The following SAPCD2 variants were observed in gnomAD, a reference collection of about 807,000 sequenced individuals.
SAPCD2 encodes the protein suppressor APC domain containing 2, also known as suppressor APC domain-containing protein 2.
SAPCD2 carries 34 observed loss-of-function variants against 37.8 expected under a neutral mutation model. That is an observed-to-expected ratio of 0.90 (90% CI 0.68 to 1.20). SAPCD2 has a LOEUF of 1.20. Among genes scored for constraint, SAPCD2 ranks in the 50% most tolerant of loss-of-function variants. The pLI, the probability that SAPCD2 is intolerant of heterozygous loss-of-function variation, is 0.00. For missense variants in SAPCD2, 572 were observed against 584.7 expected (o/e 0.98, Z 0.22); for synonymous variants, 275 against 270.3 (o/e 1.02, Z -0.17).
intron 1 of SAPCD2, among the ~76,000 whole-genome samples, chr9:137,066,806 T>C (rs974005047): frequency 6.6e-6 from 1 of 152,098 alleles, no homozygotes; most frequent in Admixed American, 6.5e-5. Context: ...CAGCAGGAGA[T>C]GTGGGTGTGA....
chr9:137,064,818 C>T (rs1175451151), intron 5 of SAPCD2, 31 bp from the exon 6 acceptor site: 14 of 1,584,142 alleles, frequency 8.8e-6, no homozygotes, highest in Admixed American at 1.8e-5. Flanking sequence ...TCAAGGCCTG[C>T]GGGGCCTCAC....
chr9:137,064,857 C>T lies in SAPCD2; in HGVS notation c.1056+6G>A, dbSNP rs1429775987. 1.3e-6 allele frequency: 2 copies of T among 1,567,454 alleles called. No individual in the cohort carries two copies. The highest frequency in any genetic ancestry group is 1.7e-6 in the Non-Finnish European group (2 of 1,156,488). The stretch of plus-strand genomic sequence containing the variant: ...CACCCCTGCACCCCTCCCGCGCCTG[C>T]CCTACCTGGGTGAGGAGTCGGTTCT... On this transcript the variant is annotated splice_donor_region_variant and intron_variant, in intron 5 of 5. Transcript: ENST00000409687.
intron 1 of SAPCD2, among the ~76,000 whole-genome samples, chr9:137,068,166 C>T (rs920837488): frequency 1.3e-5 from 2 of 152,356 alleles, no homozygotes; most frequent in African/African-American, 2.4e-5. Context: ...CCCGAATTCG[C>T]ACTCCAGCCT....
chr9:137,069,258 G>A (rs1203256307), intron 1 of SAPCD2, among the ~76,000 whole-genome samples: 4 of 152,238 alleles, frequency 2.6e-5, no homozygotes, highest in Non-Finnish European at 5.9e-5. Context: ...GAGTGTGCCA[G>A]CCATCCCCAG....
At position 137,064,561 on chromosome 9, in the gene SAPCD2, C is replaced by A; in HGVS notation, c.*98G>T. 1 of 1,417,720 alleles carries A rather than the reference C, an allele frequency of 7.1e-7. No homozygotes were observed. Among genetic ancestry groups the A allele is most frequent in the South Asian group, 1.3e-5 (1 of 79,544 alleles). The allele number at this position is 1,417,720 out of a possible 1,614,324, so 87.8% of individuals were successfully genotyped here. On this transcript the variant is annotated 3_prime_UTR_variant, in exon 6 of 6. Coordinates refer to ENST00000409687, the MANE Select transcript of SAPCD2 (RefSeq NM_178448.4). Reference sequence around the variant, plus strand: ...ACTCCGGGACTGTGCCTGGGCCTGCCGGGGGTCTCCAGCCAGAGAGGGTGG... The same window carrying A: ...ACTCCGGGACTGTGCCTGGGCCTGCAGGGGGTCTCCAGCCAGAGAGGGTGG...
chr9:137,070,393 C>A lies in SAPCD2; in HGVS notation c.68G>T (p.Gly23Val). 1 of 1,374,234 alleles carries A rather than the reference C, an allele frequency of 7.3e-7. No individual in the cohort carries two copies. Among genetic ancestry groups the A allele is most frequent in the South Asian group, 1.6e-5 (1 of 61,682 alleles). 85.1% of individuals were successfully genotyped at this position (1,374,234 alleles called of 1,614,324 possible). A position where few individuals can be genotyped will look rare whatever the true frequency, so the allele number is the denominator to read the frequency against. Residue 23 changes from glycine (G) to valine (V), a missense_variant, in exon 1 of 6, where the codon GGG becomes GTG. Gly to Val is a moderately radical substitution (Grantham distance 109, BLOSUM62 -3). Transcript: ENST00000409687. ...GCTCTGCAGGAAGGCGCGCGGCAGCCCCTCCGTGCTGGGCGCGGGTGCGGG... is the reference window on the plus strand; with the variant it reads ...GCTCTGCAGGAAGGCGCGCGGCAGCACCTCCGTGCTGGGCGCGGGTGCGGG... Reference protein sequence around the residue: ...PPPAPAPSTEGLPRAFLQSLR... With the variant: ...PPPAPAPSTEVLPRAFLQSLR...
rs889999608 is a variant in SAPCD2 at position 137,064,566 on chromosome 9, G to A, written c.*93C>T. 12 of 1,441,674 alleles carry A rather than the reference G, an allele frequency of 8.3e-6. No homozygotes were observed. Among genetic ancestry groups the A allele is most frequent in the Admixed American group, 8.2e-5 (4 of 48,836 alleles). The allele number at this position is 1,441,674 out of a possible 1,614,324, so 89.3% of individuals were successfully genotyped here. On this transcript the variant is annotated 3_prime_UTR_variant, in exon 6 of 6. Coordinates refer to ENST00000409687, the MANE Select transcript of SAPCD2 (RefSeq NM_178448.4). ...GGGACTGTGCCTGGGCCTGCCGGGG[G>A]TCTCCAGCCAGAGAGGGTGGGTGCG...
At chr9:137,065,435 A>C in intron 3 of SAPCD2, 87 bp downstream of exon 3, 5 of 1,431,814 alleles carry the variant, frequency 3.5e-6, no homozygotes, top group Non-Finnish European at 4.7e-6. Flanking sequence ...GTGTCCGGGA[A>C]TAGGGGCAGC....
chr9:137,064,502 G>C lies in SAPCD2; in HGVS notation c.*157C>G. Reference sequence around the variant, plus strand: ...GGGACCAGCCGGGGGCAGGCCTGGGGAGCCCATCTGGCAAGGGCGGCAGGA... The same window carrying C: ...GGGACCAGCCGGGGGCAGGCCTGGGCAGCCCATCTGGCAAGGGCGGCAGGA... On this transcript the variant is annotated 3_prime_UTR_variant, in exon 6 of 6. Coordinates refer to ENST00000409687, the MANE Select transcript of SAPCD2 (RefSeq NM_178448.4). 1.2e-6 allele frequency: 1 copy of C among 814,918 alleles called. No individual in the cohort carries two copies. The highest frequency in any genetic ancestry group is 2.7e-5 in the East Asian group (1 of 37,228). The allele number at this position is 814,918 out of a possible 1,614,324, so 50.5% of individuals were successfully genotyped here.
In SAPCD2 at chr9:137,064,800, A is replaced by G; in HGVS notation, c.1057-13T>C. Reference sequence around the variant, plus strand: ...TCTCGGTCACCTCCTGGGCAGGTGCACAGTTGGTCAAGGCCTGCGGGGCCT... The same window carrying G: ...TCTCGGTCACCTCCTGGGCAGGTGCGCAGTTGGTCAAGGCCTGCGGGGCCT... On this transcript the variant is annotated splice_polypyrimidine_tract_variant and intron_variant, in intron 5 of 5. Transcript: ENST00000409687. 3 of 1,591,792 alleles carry G rather than the reference A, an allele frequency of 1.9e-6. No homozygotes were observed. Among genetic ancestry groups the G allele is most frequent in the Non-Finnish European group, 2.6e-6 (3 of 1,169,712 alleles).
chr9:137,070,159 C>T lies in SAPCD2; in HGVS notation c.302G>A (p.Gly101Asp). The T allele has an allele frequency of 8.2e-7, 1 of 1,220,762 alleles. No individual in the cohort carries two copies. The highest frequency in any genetic ancestry group is 1.0e-6 in the Non-Finnish European group (1 of 980,620). The allele number at this position is 1,220,762 out of a possible 1,614,324, so 75.6% of individuals were successfully genotyped here. The change falls in exon 1 of 6, where the codon GGC becomes GAC. Residue 101 changes from glycine to aspartate, a missense_variant. Physicochemically the swap from Gly to Asp is moderately conservative, Grantham distance 94. Transcript: ENST00000409687. ...LRTSLLSADG[G>D]PRDPTRAPAR... ...CGGGGCGCGCGTGGGGTCCCGGGGG[C>T]CGCCGTCGGCGCTCAGCAGGGAGGT...
chr9:137,064,665 G>A lies in SAPCD2; in HGVS notation c.1179C>T (p.Phe393=). 1.3e-6 allele frequency: 2 copies of A among 1,598,680 alleles called. No homozygotes were observed. Among genetic ancestry groups the A allele is most frequent in the South Asian group, 2.3e-5 (2 of 88,862 alleles). ...QQDGGPLDST[F]I is the part of the protein sequence containing the mutation. ...CCCACGCGGCCCACAAGGACTAGAT[G>A]AAGGTGGAATCCAGAGGTCCCCCGT... Residue 393 remains phenylalanine, a synonymous_variant, in exon 6 of 6, where the codon TTC becomes TTT. Transcript: ENST00000409687.
chr9:137,064,830 C>A, intron 5 of SAPCD2, 33 bp downstream of exon 5: 1 of 1,579,398 alleles, frequency 6.3e-7, no homozygotes, highest in Non-Finnish European at 8.6e-7. Context: ...GGGCCTCACC[C>A]CCACCCCTGC....
chr9:137,065,285 G>C (rs1832527103), intron 3 of SAPCD2, 100 bp from the exon 4 acceptor site: 8 of 976,552 alleles, frequency 8.2e-6, no homozygotes, highest in African/African-American at 1.6e-5. Flanking sequence ...CCTGCCTCCT[G>C]ATGCTGCAGA....
chr9:137,064,815 C>T, intron 5 of SAPCD2, 28 bp from the exon 6 acceptor site: 2 of 1,585,942 alleles, frequency 1.3e-6, no homozygotes, highest in Non-Finnish European at 1.7e-6. Flanking sequence ...TGGTCAAGGC[C>T]TGCGGGGCCT....
chr9:137,067,774 CAAAAAA>C (rs36035728), intron 1 of SAPCD2, among the ~76,000 whole-genome samples: 8 of 44,678 alleles, frequency 1.8e-4, no homozygotes, highest in Admixed American at 3.7e-4. Context: ...GACTCCATCT[CAAAAAA>C]AAAAAAAAAA....
At chr9:137,066,416 C>T (rs1200916298) in intron 1 of SAPCD2, 42 bp from the exon 2 acceptor site, 3 of 1,461,820 alleles carry the variant, frequency 2.1e-6, no homozygotes. Context: ...TCCAGACCTG[C>T]CTGGCCAGGC....
At chr9:137,066,442 C>T (rs72763246) in intron 1 of SAPCD2, 68 bp from the exon 2 acceptor site, 471,129 of 1,242,590 alleles carry the variant, frequency 0.38, 96,974 homozygotes, top group South Asian at 0.43. Context: ...TGAGGTGCAG[C>T]GGCCTCCACA....
At chr9:137,069,816 C>T in intron 1 of SAPCD2, 74 bp downstream of exon 1, 1 of 1,011,484 alleles carries the variant, frequency 9.9e-7, no homozygotes. Context: ...GCACGGGCAG[C>T]AGCTGTGGGA....
Sources: gnomAD v4.1 joint callset for allele counts (sites outside exome capture counted in the v4.1 genomes callset) on GRCh38, gnomAD v4.1.1 for gene constraint, MANE v1.5 for transcripts, NCBI Gene and HGNC (gene_info 2026-07-23, HGNC 2026-07-21) for gene names.